The following C1orf21 variants were observed in gnomAD, a reference collection of about 807,000 sequenced individuals.
The protein encoded by C1orf21 is chromosome 1 open reading frame 21, also known as uncharacterized protein C1orf21.
Under a neutral mutation model 18.7 loss-of-function variants are expected in C1orf21, and 3 were observed. The observed-to-expected ratio is 0.16, with a 90% CI of 0.07 to 0.42. The LOEUF is 0.42. Among genes scored for constraint, C1orf21 ranks in the 10% least tolerant of loss-of-function variants. The pLI is 0.99. For missense variants in C1orf21, 104 were observed against 143.6 expected (o/e 0.72, Z 1.41); for synonymous variants, 41 against 46.4 (o/e 0.88, Z 0.47).
At chr1:184,540,315 C>A (rs190996917) in intron 3 of C1orf21, among the ~76,000 whole-genome samples, 1 of 152,272 alleles carries the variant, frequency 6.6e-6, no homozygotes, top group East Asian at 1.9e-4. Flanking sequence ...TCACAAATTG[C>A]ATCTTAACAT....
chr1:184,510,531 G>A (rs1415464839), intron 3 of C1orf21, among the ~76,000 whole-genome samples: 3 of 152,130 alleles, frequency 2.0e-5, no homozygotes, highest in Admixed American at 1.3e-4. Flanking sequence ...TGACATTTAC[G>A]ATGGGCCTCA....
intron 1 of C1orf21, among the ~76,000 whole-genome samples, chr1:184,471,309 A>G (rs761598821): frequency 1.3e-5 from 2 of 152,220 alleles, no homozygotes; most frequent in Non-Finnish European, 2.9e-5. Context: ...CAACGCTATT[A>G]GGCCAAAACA....
In C1orf21 at chr1:184,624,019, A is replaced by T. The variant is rs1659966513; in HGVS notation, c.*4463A>T. On this transcript the variant is annotated 3_prime_UTR_variant, in exon 6 of 6. Transcript: ENST00000235307. ...ATAATTGTTTTGTGTCATCCTCATG[A>T]TAATCCTGTGAAGTAGATCTATTAC... is the stretch of plus-strand genomic sequence containing the variant. The T allele has an allele frequency of 1.3e-5, 2 of 152,668 alleles. No homozygotes were observed. Among genetic ancestry groups the T allele is most frequent in the Admixed American group, 6.5e-5 (1 of 15,290 alleles). 9.5% of individuals were successfully genotyped at this position (152,668 alleles called of 1,614,324 possible). A position where few individuals can be genotyped will look rare whatever the true frequency, so the allele number is the denominator to read the frequency against.
At chr1:184,527,092 C>G (rs1658388660) in intron 3 of C1orf21, among the ~76,000 whole-genome samples, 1 of 152,190 alleles carries the variant, frequency 6.6e-6, no homozygotes, top group Non-Finnish European at 1.5e-5. Context: ...GCTAAACTAC[C>G]TTCAGCATCA....
intron 3 of C1orf21, among the ~76,000 whole-genome samples, chr1:184,564,285 A>G (rs1043457701): frequency 1.3e-5 from 2 of 152,178 alleles, no homozygotes; most frequent in Non-Finnish European, 2.9e-5. Context: ...GTCTTACAGA[A>G]TAATAATAAT....
At chr1:184,531,919 A>G (rs188521323) in intron 3 of C1orf21, among the ~76,000 whole-genome samples, 42 of 152,316 alleles carry the variant, frequency 2.8e-4, no homozygotes, top group Non-Finnish European at 5.0e-4. Context: ...AACAGGTTAG[A>G]GGAGAATTCT....
At chr1:184,394,225 G>C (rs1188103412) in intron 1 of C1orf21, among the ~76,000 whole-genome samples, 1 of 152,216 alleles carries the variant, frequency 6.6e-6, no homozygotes, top group African/African-American at 2.4e-5. Flanking sequence ...AAGCAGAACA[G>C]GGAGATGATG....
intron 4 of C1orf21, among the ~76,000 whole-genome samples, chr1:184,593,032 C>A (rs1210663717): frequency 1.3e-5 from 2 of 152,186 alleles, no homozygotes; most frequent in Non-Finnish European, 2.9e-5. Context: ...CCTTTGGGGA[C>A]AGCAGATATC....
chr1:184,424,440 A>G (rs944535098), intron 1 of C1orf21, among the ~76,000 whole-genome samples: 1 of 152,196 alleles, frequency 6.6e-6, no homozygotes, highest in African/African-American at 2.4e-5. Flanking sequence ...CCAGACTTGC[A>G]AGACTAGTGC....
intron 3 of C1orf21, among the ~76,000 whole-genome samples, chr1:184,526,410 T>C (rs1658376685): frequency 6.6e-6 from 1 of 152,200 alleles, no homozygotes; most frequent in Non-Finnish European, 1.5e-5. Flanking sequence ...ACAGGTATTT[T>C]TGAAGCATCC....
chr1:184,510,926 T>G (rs908269786), intron 3 of C1orf21, among the ~76,000 whole-genome samples: 16 of 152,140 alleles, frequency 1.1e-4, no homozygotes, highest in African/African-American at 3.9e-4. Flanking sequence ...AACCAAGGTG[T>G]TGGCAGGGAG....
intron 3 of C1orf21, among the ~76,000 whole-genome samples, chr1:184,572,336 G>A (rs180746941): frequency 2.0e-4 from 31 of 152,290 alleles, no homozygotes; most frequent in Non-Finnish European, 3.5e-4. Context: ...GAGAGGAGGC[G>A]TAGGAAGAGG....
At chr1:184,530,079 G>A (rs1658435969) in intron 3 of C1orf21, among the ~76,000 whole-genome samples, 1 of 152,074 alleles carries the variant, frequency 6.6e-6, no homozygotes. Context: ...GCAATGCCTG[G>A]TACATAATAG....
chr1:184,563,226 A>G (rs1250418001), intron 3 of C1orf21, among the ~76,000 whole-genome samples: 1 of 152,202 alleles, frequency 6.6e-6, no homozygotes, highest in Non-Finnish European at 1.5e-5. Context: ...TAGGTTTAAC[A>G]CCTATGTTGT....
intron 3 of C1orf21, among the ~76,000 whole-genome samples, chr1:184,529,783 C>T (rs1175918102): frequency 6.6e-6 from 1 of 152,154 alleles, no homozygotes; most frequent in African/African-American, 2.4e-5. Flanking sequence ...GATTGGGCTA[C>T]TTAGAAGTCA....
At chr1:184,410,456 T>A (rs1370697521) in intron 1 of C1orf21, among the ~76,000 whole-genome samples, 1 of 149,654 alleles carries the variant, frequency 6.7e-6, no homozygotes, top group East Asian at 2.0e-4. Flanking sequence ...TTTCTGTAAA[T>A]TGAAACAAAT....
chr1:184,565,807 T>C (rs1326017271), intron 3 of C1orf21, among the ~76,000 whole-genome samples: 2 of 152,268 alleles, frequency 1.3e-5, no homozygotes, highest in Non-Finnish European at 1.5e-5. Flanking sequence ...ACCAAACTTA[T>C]ACAGATCACT....
chr1:184,534,500 A>C (rs530257213), intron 3 of C1orf21, among the ~76,000 whole-genome samples: 141 of 152,320 alleles, frequency 9.3e-4, no homozygotes, highest in African/African-American at 3.4e-3. Flanking sequence ...TTTCTATCTC[A>C]GCATAATAGA....
At chr1:184,502,942 A>G (rs2101961656) in intron 2 of C1orf21, among the ~76,000 whole-genome samples, 1 of 151,794 alleles carries the variant, frequency 6.6e-6, no homozygotes, top group African/African-American at 2.4e-5. Context: ...GGCAGGCATG[A>G]TGGTGTGCAC....
Sources: allele counts gnomAD v4.1 joint callset (sites outside exome capture counted in the v4.1 genomes callset), GRCh38; gene constraint gnomAD v4.1.1; transcripts MANE v1.5; gene names NCBI Gene and HGNC (gene_info 2026-07-23, HGNC 2026-07-21).